Variants in ATXN8OS observed in about 807,000 individuals in gnomAD.
ATXN8OS encodes the protein ATXN8 opposite strand lncRNA.
chr13:70,123,796 T>C (rs916039776), intron 2 of ATXN8OS, among the ~76,000 whole-genome samples: 1 of 152,126 alleles, frequency 6.6e-6, no homozygotes, highest in African/African-American at 2.4e-5. Context: ...TGCCTGAGGT[T>C]GTCACCAAGG....
intron 4 of ATXN8OS, among the ~76,000 whole-genome samples, chr13:70,159,898 G>C (rs573675991): frequency 6.6e-6 from 1 of 152,168 alleles, no homozygotes; most frequent in East Asian, 1.9e-4. Context: ...TAAATTGAAT[G>C]TGTATGTACA....
chr13:70,157,966 C>T (rs1291421073), intron 4 of ATXN8OS, among the ~76,000 whole-genome samples: 1 of 152,136 alleles, frequency 6.6e-6, no homozygotes, highest in African/African-American at 2.4e-5. Flanking sequence ...ATCATTTGAG[C>T]CATGAGAATC....
chr13:70,124,693 T>C lies in ATXN8OS; in HGVS notation n.399-5091T>C, dbSNP rs139927455. Among the ~76,000 whole-genome samples, 698 of 152,204 alleles carry C rather than the reference T, an allele frequency of 4.6e-3. 7 individuals are homozygous for C. Among genetic ancestry groups the C allele is most frequent in the African/African-American group, 0.016 (670 of 41,540 alleles). On this transcript the variant is annotated intron_variant and non_coding_transcript_variant, in intron 2 of 4. Coordinates refer to ENST00000678624, the Ensembl canonical transcript of ATXN8OS. The stretch of plus-strand genomic sequence containing the variant: ...TGTTTGTTTGGTTGTTGTTATTGTT[T>C]TTTTTCCCCGGAAATCTGGTTTTCC...
chr13:70,133,399 G>A (rs1668868166), intron 3 of ATXN8OS, among the ~76,000 whole-genome samples: 1 of 151,928 alleles, frequency 6.6e-6, no homozygotes. Flanking sequence ...GTGAAACAGT[G>A]AAAAAAATAG....
chr13:70,151,410 T>C (rs1888864706), intron 4 of ATXN8OS, among the ~76,000 whole-genome samples: 1 of 152,124 alleles, frequency 6.6e-6, no homozygotes, highest in African/African-American at 2.4e-5. Context: ...GACTGGCTTA[T>C]TTCACGCAAC....
At chr13:70,165,288 T>C (rs1388332976) in intron 4 of ATXN8OS, among the ~76,000 whole-genome samples, 3 of 151,682 alleles carry the variant, frequency 2.0e-5, no homozygotes, top group Non-Finnish European at 4.4e-5. Context: ...AATATAGTTA[T>C]AGATATGTTA....
rs538690221 is a variant in ATXN8OS, at chr13:70,130,788, C to T, written n.499+904C>T. The T allele has an allele frequency of 1.1e-4, 42 of 398,442 alleles. 1 individual carries two copies. In the South Asian group the frequency reaches 2.7e-3, roughly 25 times the overall value. 24.7% of individuals were successfully genotyped at this position (398,442 alleles called of 1,614,324 possible). On this transcript the variant is annotated intron_variant and non_coding_transcript_variant, in intron 3 of 4. Coordinates refer to ENST00000678624, the Ensembl canonical transcript of ATXN8OS. ...TCTAATAATAAAACAGACTTCACCT[C>T]GGAGTACCTGCAGAACTGGGACCCC... is the stretch of plus-strand genomic sequence containing the variant.
intron 2 of ATXN8OS, among the ~76,000 whole-genome samples, chr13:70,125,324 A>C: frequency 6.6e-6 from 1 of 152,174 alleles, no homozygotes; most frequent in East Asian, 1.9e-4. Flanking sequence ...ACTACTTGTC[A>C]ATATATTTTG....
Position 70,152,046 on chromosome 13 carries a change from C to A in ATXN8OS, n.573+4618C>A, listed in dbSNP as rs57457962. ...AACTTAAACCTTGCTTACCTGTTTCCGTCCTGTCATCTTATGTCACTTACT... is the reference window on the plus strand; with the variant it reads ...AACTTAAACCTTGCTTACCTGTTTCAGTCCTGTCATCTTATGTCACTTACT... On this transcript the variant is annotated intron_variant and non_coding_transcript_variant, in intron 4 of 4. Coordinates refer to ENST00000678624, the Ensembl canonical transcript of ATXN8OS. Among the ~76,000 whole-genome samples, 791 of 152,114 alleles carry A rather than the reference C, an allele frequency of 5.2e-3. 5 individuals are homozygous for A. The highest frequency in any genetic ancestry group is 0.018 in the African/African-American group (736 of 41,520).
At chr13:70,136,951 T>C (rs559654535) in intron 3 of ATXN8OS, among the ~76,000 whole-genome samples, 3 of 152,286 alleles carry the variant, frequency 2.0e-5, no homozygotes, top group African/African-American at 7.2e-5. Flanking sequence ...CAGTGTTTAG[T>C]TGCGATACTG....
At chr13:70,165,820 G>C in intron 4 of ATXN8OS, among the ~76,000 whole-genome samples, 1 of 151,900 alleles carries the variant, frequency 6.6e-6, no homozygotes, top group Non-Finnish European at 1.5e-5. Context: ...ATAGATTGTA[G>C]TCTCCAGAGT....
At chr13:70,147,981 G>T (rs1888810207) in intron 4 of ATXN8OS, among the ~76,000 whole-genome samples, 1 of 152,154 alleles carries the variant, frequency 6.6e-6, no homozygotes, top group African/African-American at 2.4e-5. Flanking sequence ...GATGGATTCA[G>T]ATTTCTGATT....
intron 1 of ATXN8OS, among the ~76,000 whole-genome samples, chr13:70,113,737 C>T (rs1888233844): frequency 6.6e-6 from 1 of 152,066 alleles, no homozygotes; most frequent in African/African-American, 2.4e-5. Flanking sequence ...TTTCTCAAAT[C>T]AGGTTACTAC....
intron 4 of ATXN8OS, among the ~76,000 whole-genome samples, chr13:70,156,243 G>A (rs645277): frequency 0.44 from 44,952 of 101,476 alleles, 7,965 homozygotes; most frequent in Middle Eastern, 0.57. Context: ...GGGTGGGTAT[G>A]AGTGTGTGTG....
intron 3 of ATXN8OS, among the ~76,000 whole-genome samples, chr13:70,140,627 C>T (rs1888701230): frequency 6.6e-6 from 1 of 151,788 alleles, no homozygotes; most frequent in Non-Finnish European, 1.5e-5. Context: ...TGTCTTCACC[C>T]AATTATGTAT....
chr13:70,167,723 C>CTTTTTTTTTT (rs4053603), intron 4 of ATXN8OS, among the ~76,000 whole-genome samples: 2 of 61,896 alleles, frequency 3.2e-5, no homozygotes, highest in African/African-American at 1.1e-4. Flanking sequence ...TATGTAACTT[C>CTTTTTTTTTT]TTTTTTTTTT....
At chr13:70,112,660 T>C (rs1320877427) in intron 1 of ATXN8OS, among the ~76,000 whole-genome samples, 1 of 152,044 alleles carries the variant, frequency 6.6e-6, no homozygotes, top group Non-Finnish European at 1.5e-5. Flanking sequence ...TTTGACCTTT[T>C]GATTTAGATC....
chr13:70,130,556 C>T (rs1032822402), intron 3 of ATXN8OS: 5 of 396,208 alleles, frequency 1.3e-5, no homozygotes, highest in Admixed American at 8.8e-5. Flanking sequence ...TATTTTAAAA[C>T]AAAAAGAAAC....
At chr13:70,110,402 G>C (rs778884755) in intron 1 of ATXN8OS, among the ~76,000 whole-genome samples, 1 of 151,876 alleles carries the variant, frequency 6.6e-6, no homozygotes, top group East Asian at 1.9e-4. Context: ...ATTAAATTAC[G>C]CATGAAGTTA....
Sources: allele counts gnomAD v4.1 joint callset (sites outside exome capture counted in the v4.1 genomes callset), GRCh38; gene constraint gnomAD v4.1.1; transcripts MANE v1.5; gene names NCBI Gene and HGNC (gene_info 2026-07-23, HGNC 2026-07-21).